Variants in PLA1A observed in about 807,000 individuals in gnomAD.
PLA1A encodes the protein phospholipase A1 member A, also known as phosphatidylserine-specific phospholipase A1alpha.
A neutral mutation model predicts 49.4 loss-of-function variants in PLA1A; 47 were observed. That is an observed-to-expected ratio of 0.95 (90% CI 0.75 to 1.21). The LOEUF is 1.21. Ranked by LOEUF, PLA1A falls within the 50% of genes most tolerant of loss-of-function variation. PLA1A has a pLI of 0.00. For missense variants in PLA1A, 561 were observed against 563.9 expected (o/e 0.99, Z 0.05); for synonymous variants, 224 against 207.9 (o/e 1.08, Z -0.67).
intron 1 of PLA1A, among the ~76,000 whole-genome samples, chr3:119,606,357 G>A (rs1184552281): frequency 6.6e-6 from 1 of 152,150 alleles, no homozygotes; most frequent in Non-Finnish European, 1.5e-5. Context: ...AAAGATAATA[G>A]TCATATTGAT....
intron 1 of PLA1A, among the ~76,000 whole-genome samples, chr3:119,599,537 T>C (rs1194511180): frequency 6.6e-6 from 1 of 152,156 alleles, no homozygotes; most frequent in East Asian, 1.9e-4. Flanking sequence ...CAAATTGGCA[T>C]CAAACTCTTT....
intron 1 of PLA1A, among the ~76,000 whole-genome samples, chr3:119,601,237 C>A (rs1345079545): frequency 6.6e-6 from 1 of 152,242 alleles, no homozygotes; most frequent in Non-Finnish European, 1.5e-5. Flanking sequence ...ATCTACAGAA[C>A]ACACCTGAGA....
intron 2 of PLA1A, among the ~76,000 whole-genome samples, chr3:119,608,420 T>C (rs772147276): frequency 1.3e-5 from 2 of 152,190 alleles, no homozygotes; most frequent in Non-Finnish European, 2.9e-5. Context: ...AATGGAGCAA[T>C]GCAATGTATA....
chr3:119,609,098 C>A, intron 3 of PLA1A, 151 bp downstream of exon 3: 1 of 638,132 alleles, frequency 1.6e-6, no homozygotes, highest in South Asian at 1.9e-5. Flanking sequence ...TTGCCACTCA[C>A]AGCACTGACC....
intron 6 of PLA1A, among the ~76,000 whole-genome samples, chr3:119,617,061 G>A (rs1198667227): frequency 6.6e-6 from 1 of 152,194 alleles, no homozygotes; most frequent in Non-Finnish European, 1.5e-5. Flanking sequence ...TGCAGGGAGA[G>A]TTTAAAGACC....
chr3:119,608,215 A>AG (rs1491197543), intron 2 of PLA1A, among the ~76,000 whole-genome samples: 213 of 145,960 alleles, frequency 1.5e-3, no homozygotes, highest in African/African-American at 5.2e-3. Context: ...AGAAAGAAAG[A>AG]AAGAAAGAAA....
intron 7 of PLA1A, among the ~76,000 whole-genome samples, chr3:119,619,119 T>C (rs2082893211): frequency 6.6e-6 from 1 of 152,198 alleles, no homozygotes; most frequent in Non-Finnish European, 1.5e-5. Flanking sequence ...TACATCGGGC[T>C]TCCTCACCTG....
intron 10 of PLA1A, 76 bp from the exon 11 acceptor site, chr3:119,629,308 G>T: frequency 1.2e-6 from 1 of 850,120 alleles, no homozygotes; most frequent in Non-Finnish European, 2.1e-6. Context: ...CAGACATCAT[G>T]GGAATTCAAA....
Position 119,606,871 on chromosome 3 carries a change from C to A in PLA1A, c.171C>A (p.Val57=), listed in dbSNP as rs137866227. The A allele has an allele frequency of 6.8e-6, 11 of 1,614,108 alleles. No individual in the cohort carries two copies. Residue 57 remains valine (V), a synonymous_variant, in exon 2 of 11, where the codon GTC becomes GTA. Coordinates refer to ENST00000273371, the MANE Select transcript of PLA1A (RefSeq NM_015900.4). Reference sequence around the variant, plus strand: ...TCAAAGTCCAGTTTCTCCTCTTTGTCCCTTCGAATCCTAGCTGTGGGCAGC... The same window carrying A: ...TCAAAGTCCAGTTTCTCCTCTTTGTACCTTCGAATCCTAGCTGTGGGCAGC... The part of the protein sequence containing the change: ...TDLKVQFLLF[V]PSNPSCGQLV...
intron 1 of PLA1A, among the ~76,000 whole-genome samples, chr3:119,600,866 G>T (rs2082609248): frequency 6.6e-6 from 1 of 152,234 alleles, no homozygotes; most frequent in Non-Finnish European, 1.5e-5. Context: ...CCATAGTGCT[G>T]AGCTGGTGGC....
chr3:119,619,538 G>T (rs1008225003), intron 7 of PLA1A, 25 bp from the exon 8 acceptor site: 1 of 1,543,990 alleles, frequency 6.5e-7, no homozygotes, highest in Non-Finnish European at 9.0e-7. Context: ...TCAGGACTCT[G>T]CTGTCTTTGC....
At chr3:119,622,211 G>GAAGA (rs879382116) in intron 8 of PLA1A, among the ~76,000 whole-genome samples, 934 of 38,174 alleles carry the variant, frequency 0.024, 36 homozygotes, top group African/African-American at 0.062. Context: ...GAAGAAGAAG[G>GAAGA]AGACAGAATC....
At chr3:119,613,255 A>C (rs989794046) in intron 5 of PLA1A, 137 bp downstream of exon 5, 9 of 584,400 alleles carry the variant, frequency 1.5e-5, no homozygotes, top group Admixed American at 9.4e-5. Context: ...AGAGTTTACC[A>C]AAATGCTATT....
intron 8 of PLA1A, among the ~76,000 whole-genome samples, chr3:119,622,100 A>AAGAAGAAGGAGAAGGAGAAGAAGG (rs2082942377): frequency 6.7e-6 from 1 of 148,706 alleles, no homozygotes; most frequent in African/African-American, 2.5e-5. Context: ...GAAGAAGAAG[A>AAGAAGAAGGAGAAGGAGAAGAAGG]AGAAGAAGGA....
Position 119,597,902 on chromosome 3 carries a change from T to C in PLA1A, c.-12T>C, listed in dbSNP as rs1236071280. 6.3e-7 allele frequency: 1 copy of C among 1,593,294 alleles called. No individual in the cohort carries two copies. Among genetic ancestry groups the C allele is most frequent in the Non-Finnish European group, 8.6e-7 (1 of 1,165,220 alleles). On this transcript the variant is annotated 5_prime_UTR_variant, in exon 1 of 11. Coordinates refer to ENST00000273371, the MANE Select transcript of PLA1A (RefSeq NM_015900.4). ...ATTACTCCATACCAGCTCTGAGATT[T>C]CCAGCTCAGCGATGCCCCCAGGTCC...
intron 8 of PLA1A, among the ~76,000 whole-genome samples, chr3:119,623,607 G>A (rs564266177): frequency 2.0e-5 from 3 of 152,278 alleles, no homozygotes; most frequent in East Asian, 1.9e-4. Context: ...GGTAACCAGC[G>A]GCTGCAGGGA....
At chr3:119,607,954 A>G in intron 2 of PLA1A, among the ~76,000 whole-genome samples, 1 of 152,056 alleles carries the variant, frequency 6.6e-6, no homozygotes, top group South Asian at 2.1e-4. Context: ...TTATTTCCTG[A>G]TCCCAATCTG....
At position 119,629,498 on chromosome 3, in the gene PLA1A, A is replaced by ATTTTTTTTT; in HGVS notation, c.*38_*46dup. On this transcript the variant is annotated 3_prime_UTR_variant, in exon 11 of 11. Coordinates refer to ENST00000273371, the MANE Select transcript of PLA1A (RefSeq NM_015900.4). ...ACCTGGGCAGGACACATCTCCCTGC[A>ATTTTTTTTT]TTTTTTTTTTTTTTTTGAGAGAGAG... 1.1e-6 allele frequency: 1 copy of ATTTTTTTTT among 876,084 alleles called. No individual in the cohort carries two copies. The highest frequency in any genetic ancestry group is 1.8e-6 in the Non-Finnish European group (1 of 566,656). 54.3% of individuals were successfully genotyped at this position (876,084 alleles called of 1,614,324 possible).
chr3:119,603,005 G>A (rs769140050), intron 1 of PLA1A, among the ~76,000 whole-genome samples: 1 of 152,218 alleles, frequency 6.6e-6, no homozygotes, highest in Non-Finnish European at 1.5e-5. Flanking sequence ...AGGGCAAGGA[G>A]AACTACTGGC....
Sources: gnomAD v4.1 joint callset for allele counts (sites outside exome capture counted in the v4.1 genomes callset) on GRCh38, gnomAD v4.1.1 for gene constraint, MANE v1.5 for transcripts, NCBI Gene and HGNC (gene_info 2026-07-23, HGNC 2026-07-21) for gene names.